SHQ1: variants seen among roughly 807,000 people sequenced by gnomAD.
SHQ1 encodes SHQ1, H/ACA ribonucleoprotein assembly factor.
A neutral mutation model predicts 53.8 loss-of-function variants in SHQ1; 49 were observed. The observed-to-expected ratio is 0.91, with a 90% CI of 0.72 to 1.16. SHQ1 has a LOEUF of 1.16. Among genes scored for constraint, SHQ1 ranks in the 50% most tolerant of loss-of-function variants. SHQ1 has a pLI of 0.00. For missense variants in SHQ1, 738 were observed against 683.1 expected, an observed-to-expected ratio of 1.08 and a Z score of -0.90; for synonymous variants, 243 against 251.0, an observed-to-expected ratio of 0.97 and a Z score of 0.30.
At chr3:72,725,961 G>A in the SHQ1 span, among the ~76,000 whole-genome samples, 4 of 152,088 alleles carry the variant, frequency 2.6e-5, no homozygotes, top group African/African-American at 4.8e-5. Context: ...CCCAACAATC[G>A]TGTGAGGGCT....
At chr3:72,779,180 A>AC (rs1706021689) in intron 10 of SHQ1, among the ~76,000 whole-genome samples, 1 of 152,078 alleles carries the variant, frequency 6.6e-6, no homozygotes. Context: ...CCTTTTCTTG[A>AC]CCCCTCCCCC....
At chr3:72,731,696 A>G in the SHQ1 span, among the ~76,000 whole-genome samples, 2 of 151,572 alleles carry the variant, frequency 1.3e-5, no homozygotes, top group South Asian at 4.2e-4. Context: ...TCAAAAAAAA[A>G]AAAAAGAAAT....
At chr3:72,754,079 T>C (rs961042798) in intron 10 of SHQ1, among the ~76,000 whole-genome samples, 1 of 152,232 alleles carries the variant, frequency 6.6e-6, no homozygotes, top group Non-Finnish European at 1.5e-5. Flanking sequence ...TTACTGACTA[T>C]ATATCTCATT....
intron 10 of SHQ1, among the ~76,000 whole-genome samples, chr3:72,787,820 T>A (rs1225733653): frequency 6.6e-6 from 1 of 151,852 alleles, no homozygotes. Flanking sequence ...CCCTGCCTGA[T>A]TCTCCTGCCT....
intron 10 of SHQ1, chr3:72,772,640 CAG>C: frequency 1.4e-6 from 1 of 707,792 alleles, no homozygotes; most frequent in Non-Finnish European, 2.6e-6. Flanking sequence ...CAAAAGGAAA[CAG>C]AAGATGTACT....
In SHQ1 at chr3:72,848,322, C is replaced by G. The variant is rs750706900; in HGVS notation, c.19G>C (p.Asp7His). ...AGGAAGTCCGGATCCTGGCTGAGGT[C>G]GAACGCCGGGGTCAGCATCGCCGCA... The part of the protein sequence containing the change: MLTPAF[D>H]LSQDPDFLTI... Residue 7 changes from aspartate to histidine, a missense_variant, in exon 1 of 11, where the codon GAC becomes CAC. Physicochemically the swap from Asp to His is moderately conservative, Grantham distance 81 (BLOSUM62 -1). Transcript: ENST00000325599. 5 of 1,614,076 alleles carry G rather than the reference C, an allele frequency of 3.1e-6. No individual in the cohort carries two copies. The highest frequency in any genetic ancestry group is 4.2e-6 in the Non-Finnish European group (5 of 1,180,000).
chr3:72,764,749 C>T (rs995103140), intron 10 of SHQ1, among the ~76,000 whole-genome samples: 9 of 152,160 alleles, frequency 5.9e-5, no homozygotes, highest in African/African-American at 2.2e-4. Flanking sequence ...TAACAAGACT[C>T]CCAGGTAATA....
intron 4 of SHQ1, among the ~76,000 whole-genome samples, chr3:72,837,914 C>T (rs1708050584): frequency 6.6e-6 from 1 of 152,160 alleles, no homozygotes. Context: ...TTAATATCTT[C>T]AAGAGGATAC....
chr3:72,824,669 C>T (rs1707592070), intron 5 of SHQ1, 118 bp from the exon 6 acceptor site: 5 of 1,160,572 alleles, frequency 4.3e-6, no homozygotes, highest in Non-Finnish European at 5.9e-6. Context: ...AAGTACATTT[C>T]AAGGAAAGAC....
intron 10 of SHQ1, among the ~76,000 whole-genome samples, chr3:72,784,364 A>G (rs1218819746): frequency 6.6e-6 from 1 of 152,204 alleles, no homozygotes; most frequent in African/African-American, 2.4e-5. Flanking sequence ...TCTAATGAAG[A>G]GCAACAGTCC....
intron 9 of SHQ1, 134 bp from the exon 10 acceptor site, chr3:72,793,170 G>A: frequency 1.4e-6 from 1 of 704,960 alleles, no homozygotes. Context: ...AAATTTATGA[G>A]TCCTATTAGG....
At chr3:72,825,184 G>A (rs9854851) in intron 5 of SHQ1, among the ~76,000 whole-genome samples, 3,940 of 152,070 alleles carry the variant, frequency 0.026, 183 homozygotes, top group African/African-American at 0.091. Flanking sequence ...GTGAAATGAA[G>A]CAAATCTGAA....
Position 72,751,535 on chromosome 3 carries a change from T to TATATATATATATAC in SHQ1, c.1182-700_1182-699insGTATATATATATAT, listed in dbSNP as rs1444853961. 5.4e-4 allele frequency among the ~76,000 whole-genome samples: 75 copies of TATATATATATATAC among 139,948 alleles called. 2 individuals are homozygous for TATATATATATATAC. The highest frequency in any genetic ancestry group is 3.5e-3 in the Middle Eastern group (1 of 282). The allele number at this position is 139,948 out of a possible 152,430, so 91.8% of individuals were successfully genotyped here. ...ATATATATATATATATATATACATA[T>TATATATATATATAC]ACATACACTAATAAAGCCTAACTCT... On this transcript the variant is annotated intron_variant, in intron 10 of 10. Coordinates refer to ENST00000325599, the MANE Select transcript of SHQ1 (RefSeq NM_018130.3).
In SHQ1 at chr3:72,815,312, A is replaced by C. The variant is rs770904758; in HGVS notation, c.936+38T>G. 63 of 1,582,650 alleles carry C rather than the reference A, an allele frequency of 4.0e-5. 2 individuals are homozygous for C. Among genetic ancestry groups the C allele is most frequent in the South Asian group, 3.9e-4 (35 of 89,934 alleles). On this transcript the variant is annotated intron_variant, in intron 8 of 10. Coordinates refer to ENST00000325599, the MANE Select transcript of SHQ1 (RefSeq NM_018130.3). ...TAAAAACAACAAAAATAACTTCCTG[A>C]ACAACAAATTCTAAACAATTGCAAC...
chr3:72,801,403 A>G (rs1706783133), intron 9 of SHQ1, among the ~76,000 whole-genome samples: 1 of 152,226 alleles, frequency 6.6e-6, no homozygotes, highest in Non-Finnish European at 1.5e-5. Flanking sequence ...ACCACTTAAT[A>G]GAGTTCTAAT....
At chr3:72,762,579 T>C (rs777709937) in intron 10 of SHQ1, among the ~76,000 whole-genome samples, 1 of 152,234 alleles carries the variant, frequency 6.6e-6, no homozygotes, top group African/African-American at 2.4e-5. Flanking sequence ...ACTTGAATTG[T>C]GTACCTCGCA....
chr3:72,756,203 T>C (rs1472595342), intron 10 of SHQ1, among the ~76,000 whole-genome samples: 1 of 152,122 alleles, frequency 6.6e-6, no homozygotes, highest in African/African-American at 2.4e-5. Flanking sequence ...CTGGGCATGG[T>C]ACATTTTGAT....
chr3:72,813,527 A>C (rs115642573), intron 8 of SHQ1, among the ~76,000 whole-genome samples: 2,471 of 148,488 alleles, frequency 0.017, 65 homozygotes, highest in African/African-American at 0.056. Flanking sequence ...GCACTTTGGG[A>C]GGCCGACGGG....
At chr3:72,765,557 A>ATATATTT (rs1491527508) in intron 10 of SHQ1, among the ~76,000 whole-genome samples, 87 of 57,170 alleles carry the variant, frequency 1.5e-3, no homozygotes, top group African/African-American at 5.8e-3. Flanking sequence ...ATATATATAT[A>ATATATTT]TTTTTTTTTT....
Sources: allele counts gnomAD v4.1 joint callset (sites outside exome capture counted in the v4.1 genomes callset), GRCh38; gene constraint gnomAD v4.1.1; transcripts MANE v1.5; gene names NCBI Gene and HGNC (gene_info 2026-07-23, HGNC 2026-07-21).